The following ZBTB7C variants were observed in gnomAD, a reference collection of about 807,000 sequenced individuals.
The protein encoded by ZBTB7C is zinc finger and BTB domain containing 7C.
Under a neutral mutation model 25.7 loss-of-function variants are expected in ZBTB7C, and 8 were observed. The ratio of observed to expected loss-of-function variants is 0.31; its 90% CI spans 0.18 to 0.56. The LOEUF is 0.56. Ranked by LOEUF, ZBTB7C falls within the 20% of genes least tolerant of loss-of-function variation. The pLI, the probability that ZBTB7C is intolerant of heterozygous loss-of-function variation, is 0.91. For synonymous variants in ZBTB7C, 394 were observed against 369.0 expected (o/e 1.07, Z -0.78); for missense variants, 824 against 855.2 (o/e 0.96, Z 0.46).
chr18:48,309,348 T>G (rs1463837637), intron 2 of ZBTB7C, among the ~76,000 whole-genome samples: 1 of 152,196 alleles, frequency 6.6e-6, no homozygotes, highest in East Asian at 1.9e-4. Context: ...TTCAACAGAA[T>G]TACAATCTTT....
chr18:48,040,400 G>A lies in ZBTB7C; in HGVS notation c.708C>T (p.Tyr236=), dbSNP rs2036173691. 1.2e-6 allele frequency: 2 copies of A among 1,611,808 alleles called. No individual in the cohort carries two copies. The highest frequency in any genetic ancestry group is 1.3e-5 in the African/African-American group (1 of 74,862). Residue 236 remains tyrosine, a synonymous_variant, in exon 4 of 5, where the codon TAC becomes TAT. Coordinates refer to ENST00000590800, the MANE Select transcript of ZBTB7C (RefSeq NM_001318841.2). ...TCCTGTCGGGGATGTTGGCCTTGGG[G>A]TACAGGTTCTCCCTTAGCAGAGATT... ...SIESLLRENL[Y]PKANIPDRRP... is the part of the protein sequence containing the mutation.
intron 2 of ZBTB7C, among the ~76,000 whole-genome samples, chr18:48,280,848 CTTTT>C (rs55760047): frequency 2.5e-5 from 2 of 79,886 alleles, no homozygotes. Context: ...TTTTCTCTCT[CTTTT>C]TTTTTTTTTT....
intron 3 of ZBTB7C, among the ~76,000 whole-genome samples, chr18:48,184,260 C>T (rs953839460): frequency 2.6e-5 from 4 of 152,166 alleles, no homozygotes; most frequent in Admixed American, 1.3e-4. Flanking sequence ...TGGCGCAGCA[C>T]AATGATGACT....
chr18:48,137,203 A>G (rs977309912), intron 3 of ZBTB7C: 194 of 985,414 alleles, frequency 2.0e-4, no homozygotes, highest in Non-Finnish European at 2.3e-4. Flanking sequence ...CCACCCTCCA[A>G]CCAGAAGTAT....
intron 2 of ZBTB7C, among the ~76,000 whole-genome samples, chr18:48,245,203 G>C (rs946547107): frequency 6.6e-6 from 1 of 151,196 alleles, no homozygotes; most frequent in African/African-American, 2.4e-5. Context: ...GACCATTATT[G>C]TAAGTGAAGT....
chr18:48,054,036 C>CTGGGTTCAAAGATT (rs2036811098), intron 3 of ZBTB7C, among the ~76,000 whole-genome samples: 1 of 152,188 alleles, frequency 6.6e-6, no homozygotes, highest in Admixed American at 6.5e-5. Context: ...GTTTGCGGTG[C>CTGGGTTCAAAGATT]TGGGTTCAAA....
chr18:48,262,429 T>A, intron 2 of ZBTB7C, among the ~76,000 whole-genome samples: 1 of 152,208 alleles, frequency 6.6e-6, no homozygotes, highest in East Asian at 1.9e-4. Context: ...TACTTCCCTA[T>A]CCTCAGAGAG....
At chr18:48,030,721 C>G (rs1191553769) in intron 4 of ZBTB7C, among the ~76,000 whole-genome samples, 1 of 152,346 alleles carries the variant, frequency 6.6e-6, no homozygotes, top group East Asian at 1.9e-4. Context: ...AGGCAAGTTA[C>G]TTAACCTCAC....
At chr18:48,225,900 G>A (rs893018098) in intron 2 of ZBTB7C, among the ~76,000 whole-genome samples, 2 of 152,054 alleles carry the variant, frequency 1.3e-5, no homozygotes, top group Admixed American at 6.5e-5. Flanking sequence ...ACACCACCAC[G>A]CCCAGCTAAT....
chr18:48,404,254 C>CAA (rs34941038), intron 1 of ZBTB7C, among the ~76,000 whole-genome samples: 15,945 of 147,374 alleles, frequency 0.11, 935 homozygotes, highest in African/African-American at 0.14. Flanking sequence ...GACTCCATCT[C>CAA]AAAAAAAAAA....
Position 48,087,847 on chromosome 18 carries a change from T to TGG in ZBTB7C, c.-16-46726_-16-46725dup, listed in dbSNP as rs11356067. 2.2e-3 allele frequency: 127 copies of TGG among 59,016 alleles called. 1 individual carries two copies. Among genetic ancestry groups the TGG allele is most frequent in the African/African-American group, 8.5e-3 (100 of 11,780 alleles). 3.7% of individuals were successfully genotyped at this position (59,016 alleles called of 1,614,324 possible). A position where few individuals can be genotyped will look rare whatever the true frequency, so the allele number is the denominator to read the frequency against. On this transcript the variant is annotated intron_variant, in intron 3 of 4. Transcript: ENST00000590800. ...ATGGTTACTTACTTTTAAAAGTGGGTGGGGGGGGGGGGCATTTTTCCATAT... is the reference window on the plus strand; with the variant it reads ...ATGGTTACTTACTTTTAAAAGTGGGTGGGGGGGGGGGGGGCATTTTTCCATAT...
intron 2 of ZBTB7C, among the ~76,000 whole-genome samples, chr18:48,254,695 C>T (rs923497807): frequency 6.6e-6 from 1 of 152,166 alleles, no homozygotes; most frequent in Non-Finnish European, 1.5e-5. Flanking sequence ...CATTCTTTGA[C>T]CAATCAACAA....
At chr18:48,245,686 G>A (rs148219604) in intron 2 of ZBTB7C, among the ~76,000 whole-genome samples, 128 of 152,206 alleles carry the variant, frequency 8.4e-4, no homozygotes, top group Middle Eastern at 3.4e-3. Context: ...TCAGGAAACA[G>A]GACATCCAAA....
At chr18:48,172,460 G>A (rs2041515925) in intron 3 of ZBTB7C, among the ~76,000 whole-genome samples, 1 of 152,194 alleles carries the variant, frequency 6.6e-6, no homozygotes, top group South Asian at 2.1e-4. Flanking sequence ...TGGGAGCGGA[G>A]TCTGTGTGCC....
At chr18:48,168,198 G>T (rs1025662817) in intron 3 of ZBTB7C, among the ~76,000 whole-genome samples, 16 of 152,332 alleles carry the variant, frequency 1.1e-4, no homozygotes, top group African/African-American at 3.8e-4. Flanking sequence ...TGATTAAGCT[G>T]TCCTGGGCCT....
chr18:48,125,191 C>T (rs1292380666), intron 3 of ZBTB7C, among the ~76,000 whole-genome samples: 1 of 152,226 alleles, frequency 6.6e-6, no homozygotes, highest in East Asian at 1.9e-4. Context: ...GATAAACAAC[C>T]TGGGACTCAG....
At chr18:48,395,274 T>A (rs2047998158) in intron 1 of ZBTB7C, among the ~76,000 whole-genome samples, 1 of 32,894 alleles carries the variant, frequency 3.0e-5, no homozygotes, top group Non-Finnish European at 6.7e-5. Context: ...AATGTGTGTG[T>A]GTGTGTGTGT....
At chr18:48,038,122 C>T (rs1282803698) in intron 4 of ZBTB7C, among the ~76,000 whole-genome samples, 1 of 152,134 alleles carries the variant, frequency 6.6e-6, no homozygotes, top group African/African-American at 2.4e-5. Context: ...CACTGAGGGA[C>T]ATCCAAGGGG....
chr18:48,075,736 C>T (rs769848354), intron 3 of ZBTB7C, among the ~76,000 whole-genome samples: 1 of 152,138 alleles, frequency 6.6e-6, no homozygotes, highest in Non-Finnish European at 1.5e-5. Context: ...CACAGGTCAG[C>T]GTCATCCTCC....
Sources: allele counts gnomAD v4.1 joint callset (sites outside exome capture counted in the v4.1 genomes callset), GRCh38; gene constraint gnomAD v4.1.1; transcripts MANE v1.5; gene names NCBI Gene and HGNC (gene_info 2026-07-23, HGNC 2026-07-21).